Variants in RAPGEF6 observed in about 807,000 individuals in gnomAD.
The protein encoded by RAPGEF6 is PDZ domain containing guanine nucleotide exchange factor (GEF) 2.
Under a neutral mutation model 171.4 loss-of-function variants are expected in RAPGEF6, and 56 were observed. The ratio of observed to expected loss-of-function variants is 0.33; its 90% CI spans 0.26 to 0.41. The LOEUF is 0.41. Ranked by LOEUF, RAPGEF6 falls within the 10% of genes least tolerant of loss-of-function variation. The pLI, the probability that RAPGEF6 is intolerant of heterozygous loss-of-function variation, is 1.00. For missense variants in RAPGEF6, 1,674 were observed against 1,921.4 expected, an observed-to-expected ratio of 0.87 and a Z score of 2.41; for synonymous variants, 692 against 650.1, an observed-to-expected ratio of 1.06 and a Z score of -0.98.
chr5:131,439,848 A>G, intron 23 of RAPGEF6, 133 bp from the exon 24 acceptor site: 1 of 1,398,782 alleles, frequency 7.1e-7, no homozygotes, highest in Admixed American at 2.6e-5. Flanking sequence ...TAAATGACAA[A>G]CAGGGACTAA....
chr5:131,444,460 A>T (rs1438299768), intron 22 of RAPGEF6, among the ~76,000 whole-genome samples: 1 of 152,266 alleles, frequency 6.6e-6, no homozygotes. Flanking sequence ...GACAAAAACC[A>T]CATATATTCT....
intron 26 of RAPGEF6, 22 bp from the exon 27 acceptor site, chr5:131,429,238 G>A: frequency 2.0e-6 from 3 of 1,470,682 alleles, no homozygotes; most frequent in South Asian, 1.4e-5. Context: ...AATAAGCAAT[G>A]AAAATGTTAA....
intron 4 of RAPGEF6, among the ~76,000 whole-genome samples, chr5:131,582,397 A>G (rs1763017771): frequency 6.6e-6 from 1 of 152,160 alleles, no homozygotes; most frequent in Non-Finnish European, 1.5e-5. Context: ...CACAGGCAAA[A>G]AGATAAAATT....
intron 1 of RAPGEF6, among the ~76,000 whole-genome samples, chr5:131,619,061 A>G (rs575032604): frequency 6.6e-6 from 1 of 151,848 alleles, no homozygotes; most frequent in Non-Finnish European, 1.5e-5. Context: ...AAAAAAAAAC[A>G]GGACTGTTCT....
At chr5:131,603,232 T>C in intron 3 of RAPGEF6, 39 bp downstream of exon 3, 1 of 1,417,366 alleles carries the variant, frequency 7.1e-7, no homozygotes, top group Non-Finnish European at 9.8e-7. Flanking sequence ...AATTTAAACA[T>C]AAAAGTCATT....
At chr5:131,478,022 G>C (rs1302777710) in intron 16 of RAPGEF6, among the ~76,000 whole-genome samples, 3 of 151,842 alleles carry the variant, frequency 2.0e-5, no homozygotes, top group Non-Finnish European at 4.4e-5. Context: ...TTCTTACAGT[G>C]TTTGCTACAG....
chr5:131,545,118 C>A (rs1374331034), intron 6 of RAPGEF6, among the ~76,000 whole-genome samples: 1 of 152,052 alleles, frequency 6.6e-6, no homozygotes, highest in African/African-American at 2.4e-5. Flanking sequence ...ATTACCATTA[C>A]AGAAGTGCTT....
chr5:131,530,750 T>A (rs1389532739), intron 6 of RAPGEF6, among the ~76,000 whole-genome samples: 1 of 152,210 alleles, frequency 6.6e-6, no homozygotes, highest in Non-Finnish European at 1.5e-5. Flanking sequence ...ATTTGTTAAA[T>A]CTGGGATCAA....
chr5:131,618,283 G>A (rs879605184), intron 1 of RAPGEF6, among the ~76,000 whole-genome samples: 2 of 152,158 alleles, frequency 1.3e-5, no homozygotes, highest in Non-Finnish European at 2.9e-5. Context: ...AAAGGAAGGT[G>A]AGGAAAGCTC....
chr5:131,448,294 A>G (rs1752848795), intron 21 of RAPGEF6, among the ~76,000 whole-genome samples: 1 of 152,174 alleles, frequency 6.6e-6, no homozygotes, highest in South Asian at 2.1e-4. Context: ...ACCTAAACCA[A>G]TTTACTTTGC....
chr5:131,481,871 C>T (rs1755510091), intron 15 of RAPGEF6, among the ~76,000 whole-genome samples: 1 of 152,110 alleles, frequency 6.6e-6, no homozygotes, highest in Non-Finnish European at 1.5e-5. Flanking sequence ...ATATGCTGCA[C>T]CTTTTTTTAT....
At chr5:131,446,051 T>C (rs898249147) in intron 22 of RAPGEF6, among the ~76,000 whole-genome samples, 1 of 152,194 alleles carries the variant, frequency 6.6e-6, no homozygotes, top group Non-Finnish European at 1.5e-5. Context: ...TGATTTTTTT[T>C]TGTTTTACCT....
At chr5:131,593,617 C>A (rs898231707) in intron 3 of RAPGEF6, among the ~76,000 whole-genome samples, 1 of 152,122 alleles carries the variant, frequency 6.6e-6, no homozygotes, top group Non-Finnish European at 1.5e-5. Context: ...ACAATGAAGT[C>A]CAGGCTGAGG....
intron 6 of RAPGEF6, among the ~76,000 whole-genome samples, chr5:131,528,308 T>TTATA (rs1554079137): frequency 6.1e-4 from 64 of 104,502 alleles, no homozygotes; most frequent in Non-Finnish European, 8.6e-4. Context: ...AATAATATAT[T>TTATA]TATATTATAT....
intron 16 of RAPGEF6, among the ~76,000 whole-genome samples, chr5:131,476,857 T>C (rs2149853104): frequency 6.6e-6 from 1 of 152,302 alleles, no homozygotes; most frequent in East Asian, 1.9e-4. Flanking sequence ...TTAAAGCTTT[T>C]AATAGAAAGG....
chr5:131,535,811 T>C (rs1228121172), intron 6 of RAPGEF6, among the ~76,000 whole-genome samples: 1 of 152,160 alleles, frequency 6.6e-6, no homozygotes, highest in Non-Finnish European at 1.5e-5. Flanking sequence ...AAGGTTCTGA[T>C]AGTTACTAAA....
At chr5:131,478,815 A>G (rs1185645546) in intron 16 of RAPGEF6, among the ~76,000 whole-genome samples, 1 of 152,156 alleles carries the variant, frequency 6.6e-6, no homozygotes, top group East Asian at 1.9e-4. Context: ...ATTTTCTTTT[A>G]ATGTATTTTT....
chr5:131,453,099 C>T lies in RAPGEF6; in HGVS notation c.3155G>A (p.Arg1052Gln), dbSNP rs763218457. Residue 1052 changes from arginine (R) to glutamine (Q), a missense_variant, in exon 21 of 28, where the codon CGA becomes CAA. This residue lies in a region of RAPGEF6 where 1,116 missense variants were observed against 1,321.5 expected (regional missense o/e 0.84). Transcript: ENST00000509018. ...MISKEIRQVV[R>Q]MTSANMDPAM... Reference sequence around the variant, plus strand: ...TGGGTCCATGTTAGCAGAAGTCATTCGAACAACTTGGCGGATTTCCTTGGA... The same window carrying T: ...TGGGTCCATGTTAGCAGAAGTCATTTGAACAACTTGGCGGATTTCCTTGGA... 8.1e-6 allele frequency: 13 copies of T among 1,613,802 alleles called. No individual in the cohort carries two copies. Among genetic ancestry groups the T allele is most frequent in the Middle Eastern group, 1.6e-4 (1 of 6,084 alleles).
chr5:131,531,174 A>C (rs1166546604), intron 6 of RAPGEF6, among the ~76,000 whole-genome samples: 1 of 152,230 alleles, frequency 6.6e-6, no homozygotes, highest in Non-Finnish European at 1.5e-5. Flanking sequence ...TTTCTTCCTT[A>C]GTCACCATCA....
Sources: allele counts gnomAD v4.1 joint callset (sites outside exome capture counted in the v4.1 genomes callset), GRCh38; gene constraint gnomAD v4.1.1; regional missense constraint gnomAD v4.1.1; transcripts MANE v1.5; gene names NCBI Gene and HGNC (gene_info 2026-07-23, HGNC 2026-07-21).